The following DZANK1 variants were observed in gnomAD, a reference collection of about 807,000 sequenced individuals.
DZANK1 encodes double zinc ribbon and ankyrin repeat-containing protein 1.
DZANK1 carries 91 observed loss-of-function variants against 94.5 expected under a neutral mutation model. The ratio of observed to expected loss-of-function variants is 0.96; its 90% CI spans 0.81 to 1.15. The LOEUF is 1.15. Among genes scored for constraint, DZANK1 ranks in the 50% most tolerant of loss-of-function variants. DZANK1 has a pLI of 0.00. For synonymous variants in DZANK1, 312 were observed against 325.3 expected (o/e 0.96, Z 0.44); for missense variants, 903 against 916.4 (o/e 0.99, Z 0.19).
rs752462080 is a variant in DZANK1, at chr20:18,412,857, T to C, written c.1243-22A>G. 4.3e-6 allele frequency: 7 copies of C among 1,611,632 alleles called. No homozygotes were observed. In the South Asian group the frequency reaches 4.4e-5, roughly 10 times the overall value. On this transcript the variant is annotated intron_variant, in intron 12 of 20. Coordinates refer to ENST00000262547, the Ensembl canonical transcript of DZANK1. ...GGGACTGCCAGGCACATCGGGGCCATGCGTGAGGCAGAAGACATTTTTAAA... is the reference window on the plus strand; with the variant it reads ...GGGACTGCCAGGCACATCGGGGCCACGCGTGAGGCAGAAGACATTTTTAAA...
intron 13 of DZANK1, among the ~76,000 whole-genome samples, chr20:18,404,964 T>A (rs1488046866): frequency 6.9e-6 from 1 of 144,590 alleles, no homozygotes; most frequent in Non-Finnish European, 1.5e-5. Flanking sequence ...AAGGCTGAGG[T>A]GGGAGGATTG....
chr20:18,409,539 G>C (rs2057128400), intron 13 of DZANK1, among the ~76,000 whole-genome samples: 1 of 134,126 alleles, frequency 7.5e-6, no homozygotes, highest in East Asian at 2.3e-4. Context: ...TGACCCTAGA[G>C]AGTAATATGA....
intron 8 of DZANK1, among the ~76,000 whole-genome samples, chr20:18,435,928 C>T (rs2058503231): frequency 6.6e-6 from 1 of 152,044 alleles, no homozygotes; most frequent in African/African-American, 2.4e-5. Context: ...AAACAAAACA[C>T]AAAACAACAA....
At chr20:18,385,144 C>G (rs1158222801) in intron 19 of DZANK1, 54 bp from the exon 20 acceptor site, 1 of 1,526,048 alleles carries the variant, frequency 6.6e-7, no homozygotes, top group Non-Finnish European at 8.9e-7. Flanking sequence ...CATCAGGAAA[C>G]TGGAGAGGAT....
intron 10 of DZANK1, among the ~76,000 whole-genome samples, chr20:18,416,783 G>C (rs563879371): frequency 3.0e-4 from 45 of 152,042 alleles, no homozygotes; most frequent in African/African-American, 1.1e-3. Context: ...TGCAATTAGA[G>C]GGAAACTCCT....
chr20:18,460,149 T>G lies in DZANK1; in HGVS notation c.263+4A>C. Reference sequence around the variant, plus strand: ...TTAAATTAATCACCATGCTCTTAACTTACTTAGAGACAGCAATAGCTTTAA... The same window carrying G: ...TTAAATTAATCACCATGCTCTTAACGTACTTAGAGACAGCAATAGCTTTAA... On this transcript the variant is annotated splice_donor_region_variant and intron_variant, in intron 3 of 20. Coordinates refer to ENST00000262547, the Ensembl canonical transcript of DZANK1. 6.7e-7 allele frequency: 1 copy of G among 1,497,848 alleles called. No homozygotes were observed. 92.8% of individuals were successfully genotyped at this position (1,497,848 alleles called of 1,614,324 possible).
intron 2 of DZANK1, among the ~76,000 whole-genome samples, chr20:18,463,474 C>T (rs1460353742): frequency 6.6e-6 from 1 of 150,536 alleles, no homozygotes; most frequent in Non-Finnish European, 1.5e-5. Flanking sequence ...TGCACATGTA[C>T]CCCCAAGCCT....
intron 9 of DZANK1, among the ~76,000 whole-genome samples, chr20:18,427,996 A>C (rs565568629): frequency 1.5e-4 from 23 of 151,610 alleles, no homozygotes; most frequent in African/African-American, 5.1e-4. Flanking sequence ...TAAAAATACA[A>C]AAAAATTAGC....
chr20:18,436,899 G>A (rs1316111534), intron 8 of DZANK1, among the ~76,000 whole-genome samples: 1 of 152,204 alleles, frequency 6.6e-6, no homozygotes, highest in Non-Finnish European at 1.5e-5. Context: ...AGAGCTGAAA[G>A]AGAAAATAAT....
exon 4 of DZANK1, chr20:18,455,265 G>A (rs1218926837): frequency 1.2e-6 from 2 of 1,604,466 alleles, no homozygotes; most frequent in Non-Finnish European, 1.7e-6. Flanking sequence ...AAGAATCTTT[G>A]AGAACATTTT....
chr20:18,451,926 C>T, intron 6 of DZANK1: 2 of 518,884 alleles, frequency 3.9e-6, no homozygotes, highest in Non-Finnish European at 7.7e-6. Flanking sequence ...TGTGGCCAAA[C>T]AGAAAACTTT....
intron 9 of DZANK1, among the ~76,000 whole-genome samples, chr20:18,430,212 T>C (rs571683778): frequency 6.6e-6 from 1 of 152,170 alleles, no homozygotes. Flanking sequence ...CAAAACTGAC[T>C]AAGATAAAGT....
intron 8 of DZANK1, among the ~76,000 whole-genome samples, chr20:18,434,693 G>A (rs2058446970): frequency 1.3e-5 from 2 of 152,260 alleles, no homozygotes; most frequent in East Asian, 3.9e-4. Context: ...ACTAAGCTCT[G>A]GGTGGTTGTT....
At chr20:18,442,094 A>G (rs2058731945) in intron 8 of DZANK1, among the ~76,000 whole-genome samples, 1 of 152,240 alleles carries the variant, frequency 6.6e-6, no homozygotes, top group Admixed American at 6.5e-5. Flanking sequence ...AATGGTTGTT[A>G]GCTTAAATTA....
At chr20:18,419,510 C>A (rs2057668641) in intron 10 of DZANK1, among the ~76,000 whole-genome samples, 1 of 152,042 alleles carries the variant, frequency 6.6e-6, no homozygotes, top group Admixed American at 6.6e-5. Context: ...TGAAAACCAA[C>A]AATAAAGAGC....
At chr20:18,408,583 T>C (rs1427896030) in intron 13 of DZANK1, among the ~76,000 whole-genome samples, 1 of 152,218 alleles carries the variant, frequency 6.6e-6, no homozygotes, top group African/African-American at 2.4e-5. Context: ...GCAGAAATCC[T>C]ATAGGCCAGG....
exon 12 of DZANK1, chr20:18,414,470 C>A (rs1357564537): frequency 6.2e-7 from 1 of 1,613,136 alleles, no homozygotes; most frequent in Admixed American, 1.7e-5. Context: ...TGATTGCTGG[C>A]CCCACATTTA....
At chr20:18,427,195 G>A in intron 9 of DZANK1, 36 bp from the exon 10 acceptor site, 1 of 1,525,796 alleles carries the variant, frequency 6.6e-7, no homozygotes, top group Middle Eastern at 1.7e-4. Flanking sequence ...ATGTTCCTCT[G>A]AGCAAACAAC....
chr20:18,442,009 C>T (rs2058729565), intron 8 of DZANK1, among the ~76,000 whole-genome samples: 1 of 152,330 alleles, frequency 6.6e-6, no homozygotes. Flanking sequence ...CTCTCTGAGT[C>T]GTGGGTCTAA....
Sources: allele counts gnomAD v4.1 joint callset (sites outside exome capture counted in the v4.1 genomes callset), GRCh38; gene constraint gnomAD v4.1.1; transcripts MANE v1.5; gene names NCBI Gene and HGNC (gene_info 2026-07-23, HGNC 2026-07-21).